MAPK4: variants seen among roughly 807,000 people sequenced by gnomAD.
MAPK4 encodes Erk3-related.
MAPK4 carries 22 observed loss-of-function variants against 47.7 expected under a neutral mutation model. That is an observed-to-expected ratio of 0.46 (90% CI 0.33 to 0.66). The LOEUF is 0.66. Ranked by LOEUF, MAPK4 falls within the 30% of genes least tolerant of loss-of-function variation. MAPK4 has a pLI of 0.02. For synonymous variants in MAPK4, 390 were observed against 365.7 expected (o/e 1.07, Z -0.76); for missense variants, 736 against 831.7 (o/e 0.88, Z 1.42).
intron 1 of MAPK4, among the ~76,000 whole-genome samples, chr18:50,585,763 A>G (rs866445398): frequency 1.3e-5 from 2 of 152,232 alleles, no homozygotes; most frequent in Non-Finnish European, 2.9e-5. Flanking sequence ...TTACAGTTCC[A>G]CAGGGCTTGG....
chr18:50,685,580 G>A (rs1361353067), intron 2 of MAPK4, among the ~76,000 whole-genome samples: 7 of 152,236 alleles, frequency 4.6e-5, no homozygotes, highest in South Asian at 2.1e-4. Context: ...AAAGCCAGCC[G>A]TGGGATTGCT....
chr18:50,622,870 GC>G (rs1434033395), intron 1 of MAPK4, among the ~76,000 whole-genome samples: 1 of 152,206 alleles, frequency 6.6e-6, no homozygotes, highest in Non-Finnish European at 1.5e-5. Context: ...AAGCCAGTGC[GC>G]CCAAGCCAAT....
intron 1 of MAPK4, among the ~76,000 whole-genome samples, chr18:50,565,186 T>A (rs935408228): frequency 6.6e-6 from 1 of 152,204 alleles, no homozygotes; most frequent in Admixed American, 6.5e-5. Context: ...CAAAATGGAA[T>A]TGTTAAACCT....
Position 50,663,166 on chromosome 18 carries a change from G to A in MAPK4, c.-793G>A, listed in dbSNP as rs1450563789. The A allele has an allele frequency of 6.6e-6, 1 of 152,266 alleles. No homozygotes were observed. Among genetic ancestry groups the A allele is most frequent in the East Asian group, 1.9e-4 (1 of 5,190 alleles). 9.4% of individuals were successfully genotyped at this position (152,266 alleles called of 1,614,324 possible). ...AGTGGAATACAGTCTTGGGCGAGGT[G>A]GCGTGGATGAGCTGGTGAAAGAGGA... On this transcript the variant is annotated 5_prime_UTR_variant, in exon 2 of 6. The change creates a premature stop within an existing upstream ORF in the 5' untranslated region. Coordinates refer to ENST00000400384, the MANE Select transcript of MAPK4 (RefSeq NM_002747.4).
At chr18:50,687,894 C>G (rs1184400506) in intron 2 of MAPK4, among the ~76,000 whole-genome samples, 1 of 152,152 alleles carries the variant, frequency 6.6e-6, no homozygotes, top group African/African-American at 2.4e-5. Flanking sequence ...TTTCAGGTGT[C>G]TCCTGGGTCC....
chr18:50,656,408 G>A (rs1275624466), intron 1 of MAPK4, among the ~76,000 whole-genome samples: 2 of 152,314 alleles, frequency 1.3e-5, no homozygotes, highest in East Asian at 1.9e-4. Flanking sequence ...GAACTCACAG[G>A]GATCCCCCCA....
intron 1 of MAPK4, among the ~76,000 whole-genome samples, chr18:50,619,520 G>T (rs567069168): frequency 6.6e-6 from 1 of 151,782 alleles, no homozygotes; most frequent in Non-Finnish European, 1.5e-5. Flanking sequence ...ATAGAGACAG[G>T]GTCTCACTGT....
intron 1 of MAPK4, among the ~76,000 whole-genome samples, chr18:50,649,264 G>T (rs1008106031): frequency 1.3e-5 from 2 of 152,066 alleles, no homozygotes; most frequent in African/African-American, 2.4e-5. Context: ...TCCCACACTT[G>T]GGATCCTAAT....
At chr18:50,618,780 G>A (rs1016874881) in intron 1 of MAPK4, among the ~76,000 whole-genome samples, 1 of 152,082 alleles carries the variant, frequency 6.6e-6, no homozygotes, top group African/African-American at 2.4e-5. Context: ...GTAAAAGCGT[G>A]ACCATTATTA....
Position 50,664,602 on chromosome 18 carries a change from G to A in MAPK4, c.546+98G>A. ...ATTCCTAGCTCCATGGTAGTCAGAGGACTAGAGTTAGTAATTAGGGGAGGC... is the reference window on the plus strand; with the variant it reads ...ATTCCTAGCTCCATGGTAGTCAGAGAACTAGAGTTAGTAATTAGGGGAGGC... On this transcript the variant is annotated intron_variant, in intron 2 of 5. Transcript: ENST00000400384. This position sits in a 1 kb window ranked among gnomAD's most constrained non-coding sequence, Gnocchi z 6.0. The A allele has an allele frequency of 7.4e-7, 1 of 1,350,242 alleles. No individual in the cohort carries two copies. Among genetic ancestry groups the A allele is most frequent in the South Asian group, 1.4e-5 (1 of 70,832 alleles). 83.6% of individuals were successfully genotyped at this position (1,350,242 alleles called of 1,614,324 possible).
At chr18:50,681,170 C>T (rs1409945439) in intron 2 of MAPK4, among the ~76,000 whole-genome samples, 2 of 152,080 alleles carry the variant, frequency 1.3e-5, no homozygotes, top group Admixed American at 6.6e-5. Flanking sequence ...TGACGTTGAA[C>T]ATCTTTTCAT....
At position 50,616,530 on chromosome 18, in the gene MAPK4, C is replaced by T. The variant is rs147731117; in HGVS notation, c.-870-46559C>T. On this transcript the variant is annotated intron_variant, in intron 1 of 5. Transcript: ENST00000400384. ...GTTTATTAAGGAGTATTGACTCACA[C>T]GATCACAAGGTGAAGTCCCAGAATA... Among the ~76,000 whole-genome samples, 1,421 of 152,278 alleles carry T rather than the reference C, an allele frequency of 9.3e-3. 20 individuals are homozygous for T. The highest frequency in any genetic ancestry group is 0.032 in the African/African-American group (1,339 of 41,542).
intron 1 of MAPK4, among the ~76,000 whole-genome samples, chr18:50,623,093 G>A (rs527892471): frequency 6.6e-6 from 1 of 152,242 alleles, no homozygotes; most frequent in Non-Finnish European, 1.5e-5. Flanking sequence ...TCCAGGAGTC[G>A]AAGTAGCTCT....
chr18:50,616,229 G>A (rs2042683531), intron 1 of MAPK4, among the ~76,000 whole-genome samples: 1 of 152,166 alleles, frequency 6.6e-6, no homozygotes, highest in Admixed American at 6.5e-5. Context: ...AAGATGCCTG[G>A]ACAGTGTGAT....
chr18:50,655,952 A>G (rs1598874403), intron 1 of MAPK4, among the ~76,000 whole-genome samples: 1 of 152,088 alleles, frequency 6.6e-6, no homozygotes, highest in African/African-American at 2.4e-5. Context: ...CCCTCTCTAT[A>G]TGCCAGACAC....
intron 4 of MAPK4, 39 bp downstream of exon 4, chr18:50,722,138 G>A (rs1284497618): frequency 2.5e-6 from 4 of 1,594,626 alleles, no homozygotes; most frequent in Non-Finnish European, 3.4e-6. Flanking sequence ...GTCCTGGGAG[G>A]ATGAGCTAGG....
intron 1 of MAPK4, among the ~76,000 whole-genome samples, chr18:50,641,909 T>C (rs2042944415): frequency 6.6e-6 from 1 of 152,234 alleles, no homozygotes; most frequent in Admixed American, 6.5e-5. Context: ...TCTCCTCATA[T>C]GTACTTGGTT....
chr18:50,576,993 G>T (rs2042303372), intron 1 of MAPK4, among the ~76,000 whole-genome samples: 1 of 152,066 alleles, frequency 6.6e-6, no homozygotes, highest in Non-Finnish European at 1.5e-5. Context: ...CTCTCCTGGA[G>T]CTTGGAGCTT....
upstream of MAPK4, among the ~76,000 whole-genome samples, chr18:50,559,647 C>G (rs979228410): frequency 1.3e-5 from 2 of 150,536 alleles, no homozygotes; most frequent in African/African-American, 4.9e-5. Context: ...CGGCTGCAGC[C>G]GCGCGGGGCT....
Sources: allele counts gnomAD v4.1 joint callset (sites outside exome capture counted in the v4.1 genomes callset), GRCh38; gene constraint gnomAD v4.1.1; non-coding constraint Gnocchi (gnomAD v3.1); transcripts MANE v1.5; gene names NCBI Gene and HGNC (gene_info 2026-07-23, HGNC 2026-07-21).